The following FABP12 variants were observed in gnomAD, a reference collection of about 807,000 sequenced individuals.
FABP12 encodes fatty acid-binding protein 12.
In FABP12, 19 loss-of-function variants were observed where a neutral mutation model predicts 13.7. The observed-to-expected ratio is 1.39, with a 90% CI of 0.97 to 2.04. FABP12 has a LOEUF of 2.04. Among genes scored for constraint, FABP12 ranks in the 30% most tolerant of loss-of-function variants. FABP12 has a pLI of 0.00. For synonymous variants in FABP12, 61 were observed against 57.0 expected (o/e 1.07, Z -0.32); for missense variants, 182 against 164.2 (o/e 1.11, Z -0.59).
intron 3 of FABP12, among the ~76,000 whole-genome samples, chr8:81,528,246 T>A (rs1278409654): frequency 6.6e-6 from 1 of 152,058 alleles, no homozygotes; most frequent in East Asian, 1.9e-4. Flanking sequence ...CAGTGGCTAA[T>A]CTTTGTGTTT....
intron 1 of FABP12, among the ~76,000 whole-genome samples, chr8:81,584,855 A>G (rs1368389732): frequency 6.6e-6 from 1 of 152,126 alleles, no homozygotes; most frequent in African/African-American, 2.4e-5. Flanking sequence ...CTGGTGTGAG[A>G]TGATATCTAT....
upstream of FABP12, among the ~76,000 whole-genome samples, chr8:81,534,168 C>T (rs1471280811): frequency 1.3e-5 from 2 of 152,060 alleles, no homozygotes; most frequent in African/African-American, 4.8e-5. Flanking sequence ...ATTTTCCTCT[C>T]ACTAACACCT....
intron 1 of FABP12, among the ~76,000 whole-genome samples, chr8:81,563,749 A>AAAG (rs1335242810): frequency 6.6e-6 from 1 of 152,222 alleles, no homozygotes; most frequent in Non-Finnish European, 1.5e-5. Flanking sequence ...GAGAAAAAAG[A>AAAG]AAGAAGAATA....
intron 3 of FABP12, 46 bp downstream of exon 3, chr8:81,529,392 C>G: frequency 6.3e-7 from 1 of 1,585,734 alleles, no homozygotes; most frequent in East Asian, 2.2e-5. Flanking sequence ...TGATATCTGA[C>G]TAACATTCTT....
chr8:81,547,582 C>A (rs929449167), intron 1 of FABP12, among the ~76,000 whole-genome samples: 5 of 152,232 alleles, frequency 3.3e-5, no homozygotes, highest in African/African-American at 9.6e-5. Context: ...ACCGTCTTAT[C>A]TCTTCCCTGG....
At chr8:81,572,437 G>A (rs915666924) in intron 1 of FABP12, among the ~76,000 whole-genome samples, 2 of 152,082 alleles carry the variant, frequency 1.3e-5, no homozygotes, top group Non-Finnish European at 2.9e-5. Flanking sequence ...AATCTTTTGC[G>A]AATAATGACT....
At chr8:81,566,619 C>A (rs968737558) in intron 1 of FABP12, among the ~76,000 whole-genome samples, 2 of 151,138 alleles carry the variant, frequency 1.3e-5, no homozygotes, top group Admixed American at 1.3e-4. Context: ...ATTCAAAATC[C>A]CTTCATGACC....
chr8:81,559,791 T>C (rs537244091), intron 1 of FABP12, among the ~76,000 whole-genome samples: 5 of 152,310 alleles, frequency 3.3e-5, no homozygotes, highest in Admixed American at 3.3e-4. Flanking sequence ...AGCCACTGGA[T>C]ACAAGAAGAG....
intron 1 of FABP12, among the ~76,000 whole-genome samples, chr8:81,588,791 C>T (rs75428705): frequency 1.3e-5 from 2 of 152,068 alleles, no homozygotes; most frequent in East Asian, 1.9e-4. Context: ...TTTAAGGAGA[C>T]GTGATTTGGA....
chr8:81,572,122 C>A (rs187567946), intron 1 of FABP12, among the ~76,000 whole-genome samples: 60 of 151,312 alleles, frequency 4.0e-4, no homozygotes, highest in Middle Eastern at 3.4e-3. Flanking sequence ...CTCTTCCCCC[C>A]CAAGTCCCCA....
rs1585854087 is a variant in FABP12, at chr8:81,567,400, CTTCAAATTACA to C, written c.-185+22642_-185+22652del. Among the ~76,000 whole-genome samples, 4 of 152,228 alleles carry C rather than the reference CTTCAAATTACA, an allele frequency of 2.6e-5. No individual in the cohort carries two copies. The East Asian group carries it at 7.7e-4, about 29-fold the overall frequency. ...AAACTGAAGGAATCACATTACCTGA[CTTCAAATTACA>C]CTGCAGAGCTATGGTAACCAAAACA... On this transcript the variant is annotated intron_variant, in intron 1 of 5. Coordinates refer to the FABP12 transcript ENST00000692030.
chr8:81,580,863 A>T (rs531850507), intron 1 of FABP12, among the ~76,000 whole-genome samples: 1 of 152,096 alleles, frequency 6.6e-6, no homozygotes, highest in African/African-American at 2.4e-5. Flanking sequence ...TAAAATATAC[A>T]ACAGAATACT....
chr8:81,536,922 A>G (rs1479154045), upstream of FABP12, among the ~76,000 whole-genome samples: 3 of 152,232 alleles, frequency 2.0e-5, no homozygotes, highest in African/African-American at 7.2e-5. Context: ...AAAGCCTGAA[A>G]TATTTACTAC....
intron 1 of FABP12, among the ~76,000 whole-genome samples, chr8:81,543,616 T>C (rs1224026633): frequency 6.6e-6 from 1 of 152,224 alleles, no homozygotes; most frequent in Non-Finnish European, 1.5e-5. Context: ...ATGTATACCC[T>C]GATCACAAAT....
At chr8:81,531,311 A>T in exon 2 of FABP12, 1 of 1,599,560 alleles carries the variant, frequency 6.3e-7, no homozygotes, top group South Asian at 1.1e-5. Context: ...GAGCTGGTCA[A>T]TCATTCTGTC....
chr8:81,525,885 C>G (rs143701551), intron 4 of FABP12: 1 of 152,110 alleles, frequency 6.6e-6, no homozygotes, highest in Non-Finnish European at 1.5e-5. Context: ...TCTCAGAAAA[C>G]CTTTGGCAAA....
At chr8:81,554,836 A>G (rs535108878) in intron 1 of FABP12, among the ~76,000 whole-genome samples, 6 of 152,136 alleles carry the variant, frequency 3.9e-5, no homozygotes, top group Non-Finnish European at 8.8e-5. Flanking sequence ...CAAATCTCAT[A>G]AGGTTCTAAG....
intron 1 of FABP12, among the ~76,000 whole-genome samples, chr8:81,562,273 C>T (rs753724332): frequency 5.3e-5 from 8 of 152,282 alleles, no homozygotes; most frequent in African/African-American, 9.6e-5. Context: ...AGTGGTACCC[C>T]GGCAGTATCA....
intron 1 of FABP12, among the ~76,000 whole-genome samples, chr8:81,546,861 C>G (rs886961464): frequency 6.6e-6 from 1 of 152,100 alleles, no homozygotes; most frequent in African/African-American, 2.4e-5. Context: ...TGGAGAGCCT[C>G]CTGTCTTCAC....
Sources: allele counts gnomAD v4.1 joint callset (sites outside exome capture counted in the v4.1 genomes callset), GRCh38; gene constraint gnomAD v4.1.1; transcripts MANE v1.5; gene names NCBI Gene and HGNC (gene_info 2026-07-23, HGNC 2026-07-21).